Variants in MTNR1A observed in about 807,000 individuals in gnomAD.
The protein encoded by MTNR1A is melatonin receptor 1A.
A neutral mutation model predicts 5.5 loss-of-function variants in MTNR1A; 7 were observed. That is an observed-to-expected ratio of 1.28 (90% CI 0.73 to 2.40). The LOEUF (loss-of-function observed/expected upper bound fraction) is 2.40, where lower values mean the gene tolerates loss of function less well. Ranked by LOEUF, MTNR1A falls within the 30% of genes most tolerant of loss-of-function variation. The pLI is 0.00. For synonymous variants in MTNR1A, 196 were observed against 202.7 expected, an observed-to-expected ratio of 0.97 and a Z score of 0.28; for missense variants, 441 against 464.4, an observed-to-expected ratio of 0.95 and a Z score of 0.46.
At chr4:186,546,322 C>T (rs1278844869) in intron 1 of MTNR1A, among the ~76,000 whole-genome samples, 2 of 151,980 alleles carry the variant, frequency 1.3e-5, no homozygotes, top group Non-Finnish European at 2.9e-5. Flanking sequence ...GATGAGCCTC[C>T]TCTCATCCCC....
At position 186,555,397 on chromosome 4, in the gene MTNR1A, TCG is replaced by T; in HGVS notation, c.-34_-33del. ...TGTGCGCGTCCCGGCCGCGGGGCCATCGCCCGCCTCGTCCGCCCGCCCGACCA... is the reference window on the plus strand; with the variant it reads ...TGTGCGCGTCCCGGCCGCGGGGCCATCCCGCCTCGTCCGCCCGCCCGACCA... On this transcript the variant is annotated 5_prime_UTR_variant, in exon 1 of 2. Coordinates refer to ENST00000307161, the MANE Select transcript of MTNR1A (RefSeq NM_005958.4). This position sits in a 1 kb window ranked among gnomAD's most constrained non-coding sequence, Gnocchi z 4.1. 7.3e-7 allele frequency: 1 copy of T among 1,364,828 alleles called. No individual in the cohort carries two copies. Among genetic ancestry groups the T allele is most frequent in the Non-Finnish European group, 9.5e-7 (1 of 1,057,826 alleles). 84.5% of individuals were successfully genotyped at this position (1,364,828 alleles called of 1,614,324 possible). A position where few individuals can be genotyped will look rare whatever the true frequency, so the allele number is the denominator to read the frequency against.
At chr4:186,546,062 G>C (rs989093552) in intron 1 of MTNR1A, among the ~76,000 whole-genome samples, 1 of 152,196 alleles carries the variant, frequency 6.6e-6, no homozygotes, top group Non-Finnish European at 1.5e-5. Context: ...CGTGACCTCA[G>C]GTAAGTCACA....
At chr4:186,554,668 C>T (rs1737332583) in intron 1 of MTNR1A, among the ~76,000 whole-genome samples, 1 of 152,216 alleles carries the variant, frequency 6.6e-6, no homozygotes, top group African/African-American at 2.4e-5. Context: ...GGAGGAGCCG[C>T]CGCCTGCCGG....
At chr4:186,536,235 A>G (rs975910968) in intron 1 of MTNR1A, among the ~76,000 whole-genome samples, 2 of 151,950 alleles carry the variant, frequency 1.3e-5, no homozygotes, top group African/African-American at 4.8e-5. Flanking sequence ...AATCCCAACT[A>G]CTTGGAAGGC....
At position 186,534,069 on chromosome 4, in the gene MTNR1A, G is replaced by A. The variant is rs770581983; in HGVS notation, c.673C>T (p.Arg225Cys). The change falls in exon 2 of 2, where the codon CGC becomes TGC. Residue 225 changes from arginine (R) to cysteine (C), a missense_variant. Physicochemically the swap from Arg to Cys is radical, Grantham distance 180 (BLOSUM62 -3). Coordinates refer to ENST00000307161, the MANE Select transcript of MTNR1A (RefSeq NM_005958.4). ...TCCTGTGGTTTCAGTTTGGGTTTGC[G>A]GTCAGGTTTCACCCTCTGTCTGACC... ...LQVRQRVKPD[R>C]KPKLKPQDFR... 19 of 1,613,930 alleles carry A rather than the reference G, an allele frequency of 1.2e-5. No individual in the cohort carries two copies. Among genetic ancestry groups the A allele is most frequent in the Admixed American group, 3.3e-5 (2 of 59,992 alleles).
chr4:186,534,005 A>G lies in MTNR1A; in HGVS notation c.737T>C (p.Leu246Pro), dbSNP rs990314428. Reference sequence around the variant, plus strand: ...CAGAGGAGCCCAGCAAATGGCAAAAAGGACAAAAACCACAAACATGGTGAC... The same window carrying G: ...CAGAGGAGCCCAGCAAATGGCAAAAGGGACAAAAACCACAAACATGGTGAC... The part of the protein sequence containing the change: ...NFVTMFVVFV[L>P]FAICWAPLNF... Residue 246 changes from leucine (L) to proline (P), a missense_variant, in exon 2 of 2, where the codon CTT becomes CCT. Transcript: ENST00000307161. The G allele has an allele frequency of 4.3e-6, 7 of 1,614,172 alleles. No individual in the cohort carries two copies. The highest frequency in any genetic ancestry group is 5.9e-6 in the Non-Finnish European group (7 of 1,180,036).
rs1245979910 is a variant in MTNR1A at position 186,534,215 on chromosome 4, G to A, written c.527C>T (p.Ser176Leu). The change falls in exon 2 of 2, where the codon TCG becomes TTG. Residue 176 changes from serine (S) to leucine (L), a missense_variant. Coordinates refer to ENST00000307161, the MANE Select transcript of MTNR1A (RefSeq NM_005958.4). ...GTLQYDPRIY[S>L]CTFAQSVSSA... ...GCTGACGGACTGGGCGAAGGTGCAC[G>A]AGTAGATCCTCGGGTCGTACTGGAG... The A allele has an allele frequency of 1.2e-6, 2 of 1,614,090 alleles. No homozygotes were observed. Among genetic ancestry groups the A allele is most frequent in the Admixed American group, 1.7e-5 (1 of 60,022 alleles).
chr4:186,536,279 G>C lies in MTNR1A; in HGVS notation c.185-1722C>G, dbSNP rs149362956. Reference sequence around the variant, plus strand: ...GAGAATTGCTTGAACCTGGGAGGCAGAGGTTGCAGTGAGCAGAGATCGCGC... The same window carrying C: ...GAGAATTGCTTGAACCTGGGAGGCACAGGTTGCAGTGAGCAGAGATCGCGC... On this transcript the variant is annotated intron_variant, in intron 1 of 1. Coordinates refer to ENST00000307161, the MANE Select transcript of MTNR1A (RefSeq NM_005958.4). Among the ~76,000 whole-genome samples, 1,358 of 151,978 alleles carry C rather than the reference G, an allele frequency of 8.9e-3. 26 individuals are homozygous for C. The highest frequency in any genetic ancestry group is 0.03 in the African/African-American group (1,231 of 41,402).
At chr4:186,552,657 A>G (rs991777084) in intron 1 of MTNR1A, among the ~76,000 whole-genome samples, 10 of 152,306 alleles carry the variant, frequency 6.6e-5, no homozygotes, top group Middle Eastern at 3.4e-3. Flanking sequence ...AGTCATTGCA[A>G]CACTCTTATG....
In MTNR1A at chr4:186,555,179, T is replaced by C. The variant is rs1428723648; in HGVS notation, c.184+3A>G. 3.8e-6 allele frequency: 6 copies of C among 1,589,712 alleles called. No individual in the cohort carries two copies. Among genetic ancestry groups the C allele is most frequent in the Non-Finnish European group, 5.1e-6 (6 of 1,168,722 alleles). On this transcript the variant is annotated splice_donor_region_variant and intron_variant, in intron 1 of 1. Coordinates refer to ENST00000307161, the MANE Select transcript of MTNR1A (RefSeq NM_005958.4). This position sits in a 1 kb window ranked among gnomAD's most constrained non-coding sequence, Gnocchi z 4.1. ...GGCCCAGGGGAGGCGGCGCGGGCCC[T>C]ACCTGCGTTCCTGAGCTTCTTGTTC...
intron 1 of MTNR1A, among the ~76,000 whole-genome samples, chr4:186,541,684 CGT>C (rs1199981839): frequency 2.6e-5 from 4 of 152,304 alleles, no homozygotes; most frequent in African/African-American, 9.6e-5. Flanking sequence ...CAAACCCTAT[CGT>C]GAACTCCATG....
chr4:186,548,705 A>G (rs964980210), intron 1 of MTNR1A, among the ~76,000 whole-genome samples: 1 of 151,210 alleles, frequency 6.6e-6, no homozygotes, highest in African/African-American at 2.4e-5. Flanking sequence ...GTTTTACTCC[A>G]GGCATCTGGT....
In MTNR1A at chr4:186,555,231, G is replaced by A; in HGVS notation, c.135C>T (p.Asn45=). 1 of 1,587,514 alleles carries A rather than the reference G, an allele frequency of 6.3e-7. No individual in the cohort carries two copies. The highest frequency in any genetic ancestry group is 8.6e-7 in the Non-Finnish European group (1 of 1,167,604). The change falls in exon 1 of 2, where the codon AAC becomes AAT. Residue 45 remains asparagine, a synonymous_variant. Transcript: ENST00000307161. This position sits in a 1 kb window ranked among gnomAD's most constrained non-coding sequence, Gnocchi z 4.1. ...IFTIVVDILG[N]LLVILSVYRN... ...GATACACCGACAGGATGACCAGGAGGTTGCCCAGGATGTCCACCACGATGG... is the reference window on the plus strand; with the variant it reads ...GATACACCGACAGGATGACCAGGAGATTGCCCAGGATGTCCACCACGATGG...
intron 1 of MTNR1A, among the ~76,000 whole-genome samples, chr4:186,542,364 C>T (rs1000338457): frequency 2.6e-5 from 4 of 152,180 alleles, no homozygotes; most frequent in Admixed American, 6.5e-5. Context: ...ACGTACAGGA[C>T]GCCTTCTCCA....
intron 1 of MTNR1A, among the ~76,000 whole-genome samples, chr4:186,545,755 A>G (rs1737125826): frequency 6.6e-6 from 1 of 152,054 alleles, no homozygotes; most frequent in African/African-American, 2.4e-5. Flanking sequence ...AAGACCAGTA[A>G]TAAAGAACTA....
At chr4:186,539,212 T>TGA (rs1736949938) in intron 1 of MTNR1A, among the ~76,000 whole-genome samples, 1 of 46,332 alleles carries the variant, frequency 2.2e-5, no homozygotes, top group South Asian at 8.9e-4. Flanking sequence ...CAAGACTCCA[T>TGA]TAAAAAAAAA....
At chr4:186,536,304 C>A (rs1440102034) in intron 1 of MTNR1A, among the ~76,000 whole-genome samples, 5 of 151,582 alleles carry the variant, frequency 3.3e-5, no homozygotes, top group East Asian at 1.9e-4. Flanking sequence ...AGAGATCGCG[C>A]CATTGCACTC....
At chr4:186,542,432 T>C (rs1737046689) in intron 1 of MTNR1A, among the ~76,000 whole-genome samples, 1 of 152,120 alleles carries the variant, frequency 6.6e-6, no homozygotes, top group Admixed American at 6.5e-5. Flanking sequence ...TGACAGCAAA[T>C]GAAGTATAGC....
Position 186,533,700 on chromosome 4 carries a change from C to A in MTNR1A, c.1042G>T (p.Asp348Tyr), listed in dbSNP as rs375982164. ...AACGTGGTGCTTTTTTAAACGGAGTCCACCTTTACTACATTATTGTTGGTC... is the reference window on the plus strand; with the variant it reads ...AACGTGGTGCTTTTTTAAACGGAGTACACCTTTACTACATTATTGTTGGTC... The part of the protein sequence containing the change: ...LMTNNNVVKV[D>Y]SV Residue 348 changes from aspartate to tyrosine, a missense_variant, in exon 2 of 2, where the codon GAC becomes TAC. Coordinates refer to ENST00000307161, the MANE Select transcript of MTNR1A (RefSeq NM_005958.4). 6.2e-7 allele frequency: 1 copy of A among 1,614,140 alleles called. No homozygotes were observed. Among genetic ancestry groups the A allele is most frequent in the Admixed American group, 1.7e-5 (1 of 60,020 alleles).
Sources: gnomAD v4.1 joint callset for allele counts (sites outside exome capture counted in the v4.1 genomes callset) on GRCh38, gnomAD v4.1.1 for gene constraint, Gnocchi (gnomAD v3.1) non-coding constraint, MANE v1.5 for transcripts, NCBI Gene and HGNC (gene_info 2026-07-23, HGNC 2026-07-21) for gene names.